The following PRDM16 variants were observed in gnomAD, a reference collection of about 807,000 sequenced individuals.
The protein encoded by PRDM16 is PR/SET domain 16, also known as histone-lysine N-methyltransferase PRDM16.
A neutral mutation model predicts 110.6 loss-of-function variants in PRDM16; 23 were observed. The observed-to-expected ratio is 0.21, with a 90% confidence interval of 0.15 to 0.29. The LOEUF (loss-of-function observed/expected upper bound fraction) is 0.29, where lower values mean the gene tolerates loss of function less well. Among genes scored for constraint, PRDM16 ranks in the 10% least tolerant of loss-of-function variants. PRDM16 has a pLI of 1.00. For synonymous variants in PRDM16, 799 were observed against 781.8 expected (o/e 1.02, Z -0.37); for missense variants, 1,615 against 1,794.3 (o/e 0.90, Z 1.81).
intron 3 of PRDM16, among the ~76,000 whole-genome samples, chr1:3,356,601 T>C (rs1446708127): frequency 6.6e-6 from 1 of 152,212 alleles, no homozygotes; most frequent in African/African-American, 2.4e-5. Context: ...GCGTTTGCTG[T>C]GTCTGGACGC....
At chr1:3,303,155 C>T (rs1231429005) in intron 3 of PRDM16, among the ~76,000 whole-genome samples, 1 of 152,086 alleles carries the variant, frequency 6.6e-6, no homozygotes, top group African/African-American at 2.4e-5. Flanking sequence ...GCACACCACA[C>T]CACTGTCTAA....
chr1:3,194,796 G>A (rs1206116361), intron 2 of PRDM16, among the ~76,000 whole-genome samples: 7 of 151,762 alleles, frequency 4.6e-5, no homozygotes, highest in African/African-American at 7.3e-5. Context: ...TCATCTAAAC[G>A]CCAAAACTCG....
At chr1:3,403,366 G>T (rs550749821) in intron 6 of PRDM16, among the ~76,000 whole-genome samples, 1 of 152,358 alleles carries the variant, frequency 6.6e-6, no homozygotes, top group East Asian at 1.9e-4. Context: ...ACCTGCAGCC[G>T]CTAAGCCCAA....
rs568067518 is a variant in PRDM16 at position 3,350,514 on chromosome 1, G to C, written c.439-34638G>C. 7.2e-5 allele frequency among the ~76,000 whole-genome samples: 11 copies of C among 152,248 alleles called. No homozygotes were observed. The South Asian group carries it at 2.3e-3, about 32-fold the overall frequency. ...GACATAATGTGTGTTAAGATCAAGG[G>C]CCCCGGGCTGATGTGGCCTCCCAGC... On this transcript the variant is annotated intron_variant, in intron 3 of 16. Transcript: ENST00000270722. This position sits in a 1 kb window ranked among gnomAD's most constrained non-coding sequence, Gnocchi z 7.1.
chr1:3,198,158 G>A (rs1295631052), intron 2 of PRDM16, among the ~76,000 whole-genome samples: 10 of 152,312 alleles, frequency 6.6e-5, no homozygotes, highest in South Asian at 4.1e-4. Context: ...GGTCAGGGGC[G>A]GGCACTCCAT....
chr1:3,280,928 A>ATTTGTTTGTCTCCAAAACCCAAACAAAAC (rs1553157144), intron 3 of PRDM16, among the ~76,000 whole-genome samples: 7 of 152,130 alleles, frequency 4.6e-5, no homozygotes, highest in Admixed American at 2.0e-4. Context: ...ATCTCCATCC[A>ATTTGTTTGTCTCCAAAACCCAAACAAAAC]TGGGTTTTGT....
intron 1 of PRDM16, among the ~76,000 whole-genome samples, chr1:3,094,128 C>T (rs963858413): frequency 2.6e-5 from 4 of 152,170 alleles, no homozygotes; most frequent in Admixed American, 2.0e-4. Context: ...CCTGAGTGTG[C>T]AGGGCAAGAG....
intron 3 of PRDM16, among the ~76,000 whole-genome samples, chr1:3,345,836 C>T (rs951006534): frequency 3.3e-5 from 5 of 151,506 alleles, no homozygotes; most frequent in East Asian, 1.9e-4. Flanking sequence ...CGGGTCCTCC[C>T]GTGCTGCCCT....
chr1:3,336,286 GTA>G (rs1231451950), intron 3 of PRDM16, among the ~76,000 whole-genome samples: 1 of 152,112 alleles, frequency 6.6e-6, no homozygotes, highest in Non-Finnish European at 1.5e-5. Context: ...TTATCTCTGT[GTA>G]TGAGCACGTG....
chr1:3,330,524 C>G (rs569169322), intron 3 of PRDM16, among the ~76,000 whole-genome samples: 7 of 152,168 alleles, frequency 4.6e-5, no homozygotes, highest in Non-Finnish European at 1.0e-4. Context: ...CTAGGCATCC[C>G]CACCACATCC....
intron 3 of PRDM16, among the ~76,000 whole-genome samples, chr1:3,372,448 A>T (rs1376053035): frequency 6.6e-6 from 1 of 152,224 alleles, no homozygotes; most frequent in Non-Finnish European, 1.5e-5. Context: ...GAGAAAGGTT[A>T]TGAATGTGAC....
At chr1:3,424,840 G>T (rs1412716516) in intron 12 of PRDM16, 1 of 152,308 alleles carries the variant, frequency 6.6e-6, no homozygotes, top group African/African-American at 2.4e-5. Flanking sequence ...TGGGAAACTG[G>T]CCTTGCCGAG....
At chr1:3,407,128 G>A (rs1357345645) in intron 8 of PRDM16, among the ~76,000 whole-genome samples, 1 of 152,204 alleles carries the variant, frequency 6.6e-6, no homozygotes, top group Non-Finnish European at 1.5e-5. Context: ...CTGGGAGCTT[G>A]GGAACCTGGA....
chr1:3,270,127 C>T (rs915755664), intron 3 of PRDM16, among the ~76,000 whole-genome samples: 4 of 146,414 alleles, frequency 2.7e-5, no homozygotes, highest in African/African-American at 5.1e-5. Flanking sequence ...GGAGGACAGT[C>T]GGGGAGGAGT....
chr1:3,204,120 G>A (rs922258342), intron 2 of PRDM16, among the ~76,000 whole-genome samples: 3 of 152,260 alleles, frequency 2.0e-5, no homozygotes, highest in South Asian at 4.1e-4. Flanking sequence ...TTAACAGTAA[G>A]ATGCCTTTTT....
chr1:3,073,169 G>A (rs1406754817), intron 1 of PRDM16, among the ~76,000 whole-genome samples: 1 of 152,200 alleles, frequency 6.6e-6, no homozygotes, highest in African/African-American at 2.4e-5. Context: ...GACCAGGTCT[G>A]CCATTTCTGC....
chr1:3,203,527 T>C (rs952587159), intron 2 of PRDM16, among the ~76,000 whole-genome samples: 6 of 151,544 alleles, frequency 4.0e-5, no homozygotes, highest in Non-Finnish European at 7.4e-5. Flanking sequence ...CTGATGGAGG[T>C]GTTGGCCTCA....
chr1:3,152,223 T>A (rs1208889497), intron 1 of PRDM16, among the ~76,000 whole-genome samples: 1 of 152,188 alleles, frequency 6.6e-6, no homozygotes, highest in African/African-American at 2.4e-5. Flanking sequence ...TGATTCAGAA[T>A]CTGGGGCAAT....
intron 2 of PRDM16, among the ~76,000 whole-genome samples, chr1:3,224,756 C>T (rs1404489578): frequency 6.6e-6 from 1 of 152,218 alleles, no homozygotes; most frequent in Non-Finnish European, 1.5e-5. Context: ...AGGGGGAACC[C>T]CTACTGTGAA....
Sources: allele counts gnomAD v4.1 joint callset (sites outside exome capture counted in the v4.1 genomes callset), GRCh38; gene constraint gnomAD v4.1.1; non-coding constraint Gnocchi (gnomAD v3.1); transcripts MANE v1.5; gene names NCBI Gene and HGNC (gene_info 2026-07-23, HGNC 2026-07-21).